ICE2: variants seen among roughly 807,000 people sequenced by gnomAD.
The protein encoded by ICE2 is little elongation complex subunit 2.
A neutral mutation model predicts 105.4 loss-of-function variants in ICE2; 87 were observed. That is an observed-to-expected ratio of 0.83 (90% CI 0.69 to 0.99). ICE2 has a LOEUF of 0.99. ICE2 is among the 50% of genes least tolerant of loss of function. The probability of loss-of-function intolerance (pLI) is 0.00; values close to 1 mark genes in which losing one functional copy is unlikely to be tolerated. For missense variants in ICE2, 1,323 were observed against 1,146.7 expected, an observed-to-expected ratio of 1.15 and a Z score of -2.22; for synonymous variants, 399 against 392.0, an observed-to-expected ratio of 1.02 and a Z score of -0.21.
In ICE2 at chr15:60,434,172, GT is replaced by G. The variant is rs535540237; in HGVS notation, c.2510+1970del. On this transcript the variant is annotated intron_variant, in intron 13 of 15. Coordinates refer to ENST00000261520, the MANE Select transcript of ICE2 (RefSeq NM_024611.6). ...CTACCACCAGCCTTTCCTAGAAGTT[GT>G]GAGATGAAAATGGGATAATAATATT... Among the ~76,000 whole-genome samples the G allele has an allele frequency of 1.6e-3, 246 of 152,306 alleles. 1 individual carries two copies. The highest frequency in any genetic ancestry group is 5.7e-3 in the African/African-American group (235 of 41,560).
chr15:60,444,385 A>G (rs1402389916), intron 11 of ICE2, among the ~76,000 whole-genome samples: 1 of 152,178 alleles, frequency 6.6e-6, no homozygotes, highest in East Asian at 1.9e-4. Context: ...GGGGAAAAAA[A>G]AGGCCTGAAC....
At chr15:60,453,876 A>T in intron 8 of ICE2, 92 bp from the exon 9 acceptor site, 1 of 968,554 alleles carries the variant, frequency 1.0e-6, no homozygotes, top group East Asian at 2.4e-5. Flanking sequence ...ATCACCAAAC[A>T]AAGAGACACA....
chr15:60,444,460 C>T (rs2063781656), intron 11 of ICE2, among the ~76,000 whole-genome samples: 1 of 152,116 alleles, frequency 6.6e-6, no homozygotes, highest in South Asian at 2.1e-4. Context: ...AATTTTCATA[C>T]TATAAAGTTT....
intron 3 of ICE2, among the ~76,000 whole-genome samples, chr15:60,472,821 CTAAAAT>C (rs1230042012): frequency 6.6e-6 from 1 of 152,064 alleles, no homozygotes; most frequent in African/African-American, 2.4e-5. Flanking sequence ...GACACCAACT[CTAAAAT>C]TAAAAATAAA....
intron 12 of ICE2, chr15:60,442,183 C>T (rs887362534): frequency 1.7e-5 from 6 of 363,016 alleles, no homozygotes; most frequent in African/African-American, 8.7e-5. Context: ...GCCCCAGCTA[C>T]TTGGAAGGCT....
intron 14 of ICE2, 129 bp from the exon 15 acceptor site, chr15:60,428,816 T>G: frequency 9.7e-6 from 9 of 926,696 alleles, no homozygotes; most frequent in Non-Finnish European, 1.2e-5. Context: ...AATACTTTTA[T>G]GACAAAATAA....
intron 5 of ICE2, among the ~76,000 whole-genome samples, chr15:60,460,527 C>T (rs772912354): frequency 1.3e-4 from 20 of 152,144 alleles, no homozygotes; most frequent in African/African-American, 1.7e-4. Flanking sequence ...ATGATGGTGA[C>T]GAGGTAACTC....
intron 6 of ICE2, among the ~76,000 whole-genome samples, chr15:60,456,098 G>A (rs532137221): frequency 6.6e-6 from 1 of 151,894 alleles, no homozygotes; most frequent in South Asian, 2.1e-4. Context: ...GCATTCAGAT[G>A]GGTGGTAAGA....
intron 12 of ICE2, among the ~76,000 whole-genome samples, chr15:60,436,667 G>C (rs899940896): frequency 1.4e-5 from 2 of 139,576 alleles, no homozygotes; most frequent in African/African-American, 5.4e-5. Context: ...GCAGTGAGCT[G>C]AGACTGCACC....
rs1217232389 is a variant in ICE2, at chr15:60,422,551, T to C, written c.*1083A>G. 6.6e-6 allele frequency: 1 copy of C among 152,172 alleles called. No homozygotes were observed. The highest frequency in any genetic ancestry group is 1.5e-5 in the Non-Finnish European group (1 of 68,066). The allele number at this position is 152,172 out of a possible 1,614,324, so 9.4% of individuals were successfully genotyped here. A position where few individuals can be genotyped will look rare whatever the true frequency, so the allele number is the denominator to read the frequency against. On this transcript the variant is annotated 3_prime_UTR_variant, in exon 16 of 16. Transcript: ENST00000261520. Reference sequence around the variant, plus strand: ...TATAGATGAGGATAAAAATAGCTTATGCTGGCCAGGCACGGTGGCTTACCC... The same window carrying C: ...TATAGATGAGGATAAAAATAGCTTACGCTGGCCAGGCACGGTGGCTTACCC...
Position 60,449,391 on chromosome 15 carries a change from T to C in ICE2, c.1576A>G (p.Asn526Asp), listed in dbSNP as rs1257750202. 3 of 1,613,160 alleles carry C rather than the reference T, an allele frequency of 1.9e-6. No homozygotes were observed. The highest frequency in any genetic ancestry group is 2.2e-5 in the East Asian group (1 of 44,870). The change falls in exon 10 of 16, where the codon AAT becomes GAT. Residue 526 changes from asparagine to aspartate, a missense_variant. Coordinates refer to ENST00000261520, the MANE Select transcript of ICE2 (RefSeq NM_024611.6). ...LENSQEIETS[N>D]KNDMTIDILH... ...ATATCTATAGTCATATCATTTTTAT[T>C]AGAAGTTTCAATTTCCTGAGAATTT... is the stretch of plus-strand genomic sequence containing the variant.
At position 60,469,384 on chromosome 15, in the gene ICE2, A is replaced by C. The variant is rs575094631; in HGVS notation, c.147-1062T>G. Among the ~76,000 whole-genome samples the C allele has an allele frequency of 6.6e-5, 10 of 152,232 alleles. No individual in the cohort carries two copies. In the East Asian group the frequency reaches 1.7e-3, roughly 26 times the overall value. On this transcript the variant is annotated intron_variant, in intron 3 of 15. Coordinates refer to ENST00000261520, the MANE Select transcript of ICE2 (RefSeq NM_024611.6). Reference sequence around the variant, plus strand: ...TGATGGGTTGGTAAGTACAACAAACAACCATGGCACACGTTTACCTACGTA... The same window carrying C: ...TGATGGGTTGGTAAGTACAACAAACCACCATGGCACACGTTTACCTACGTA...
chr15:60,474,891 T>C (rs1003666632), intron 3 of ICE2, among the ~76,000 whole-genome samples: 1 of 152,092 alleles, frequency 6.6e-6, no homozygotes, highest in Non-Finnish European at 1.5e-5. Context: ...GGAGGCCAAG[T>C]TGGAGAATCA....
At chr15:60,431,371 A>G (rs1056462587) in intron 14 of ICE2, among the ~76,000 whole-genome samples, 1 of 152,130 alleles carries the variant, frequency 6.6e-6, no homozygotes, top group Non-Finnish European at 1.5e-5. Context: ...GAGAAGGCCC[A>G]AAGTAATCAC....
At chr15:60,478,606 T>C (rs16942593) in intron 1 of ICE2, 3,823 of 305,210 alleles carry the variant, frequency 0.013, 163 homozygotes, top group African/African-American at 0.081. Context: ...TGATCTCTCA[T>C]GTTCAGTACT....
intron 5 of ICE2, among the ~76,000 whole-genome samples, chr15:60,459,558 T>A (rs774799271): frequency 2.0e-4 from 30 of 152,274 alleles, no homozygotes; most frequent in Non-Finnish European, 3.7e-4. Context: ...AATCTCAGAA[T>A]GTAGGTTTGA....
intron 12 of ICE2, 169 bp downstream of exon 12, chr15:60,442,247 C>A: frequency 3.6e-6 from 2 of 562,326 alleles, no homozygotes; most frequent in Non-Finnish European, 6.0e-6. Context: ...GAGCTATGAT[C>A]ACATGACTAT....
intron 15 of ICE2, among the ~76,000 whole-genome samples, chr15:60,425,644 T>C (rs1399958978): frequency 2.0e-5 from 3 of 152,168 alleles, no homozygotes; most frequent in African/African-American, 7.2e-5. Flanking sequence ...AAGGATGAGA[T>C]CAGAGTTCAA....
chr15:60,453,636 C>A lies in ICE2; in HGVS notation c.1092G>T (p.Met364Ile). The A allele has an allele frequency of 1.9e-6, 3 of 1,613,390 alleles. No individual in the cohort carries two copies. The highest frequency in any genetic ancestry group is 2.5e-6 in the Non-Finnish European group (3 of 1,179,504). ...CAGATATAAACTCTTCAGGTTTGTC[C>A]ATAAAGACTGCAGAGACTGGAACAG... Reference protein sequence around the residue: ...NTSVPVSAVFMDKPEEFISEM... With the variant: ...NTSVPVSAVFIDKPEEFISEM... The change falls in exon 9 of 16, where the codon ATG (methionine) becomes ATT (isoleucine). Residue 364 changes from methionine to isoleucine, a missense_variant. Physicochemically the swap from Met to Ile is conservative, Grantham distance 10. Transcript: ENST00000261520.
Sources: allele counts gnomAD v4.1 joint callset (sites outside exome capture counted in the v4.1 genomes callset), GRCh38; gene constraint gnomAD v4.1.1; transcripts MANE v1.5; gene names NCBI Gene and HGNC (gene_info 2026-07-23, HGNC 2026-07-21).